FCF1: variants seen among roughly 807,000 people sequenced by gnomAD.
FCF1 encodes the protein FCF1 rRNA-processing protein, also known as rRNA-processing protein FCF1 homolog.
FCF1 carries 17 observed loss-of-function variants against 32.5 expected under a neutral mutation model. That is an observed-to-expected ratio of 0.52 (90% CI 0.36 to 0.78). FCF1 has a LOEUF of 0.78. Among genes scored for constraint, FCF1 ranks in the 30% least tolerant of loss-of-function variants. The pLI is 0.00. For synonymous variants in FCF1, 84 were observed against 78.4 expected, an observed-to-expected ratio of 1.07 and a Z score of -0.38; for missense variants, 201 against 241.1, an observed-to-expected ratio of 0.83 and a Z score of 1.10.
intron 5 of FCF1, among the ~76,000 whole-genome samples, chr14:74,729,749 A>C (rs2090611009): frequency 6.6e-6 from 1 of 151,626 alleles, no homozygotes; most frequent in African/African-American, 2.4e-5. Flanking sequence ...TAGTGCTATA[A>C]ATTTCCCTCT....
At chr14:74,719,053 C>T (rs913271474) in intron 4 of FCF1, among the ~76,000 whole-genome samples, 1 of 146,618 alleles carries the variant, frequency 6.8e-6, no homozygotes, top group African/African-American at 2.6e-5. Flanking sequence ...TCTCTGGAAC[C>T]TGGGAGGCAG....
chr14:74,722,859 TTAGAACCCAGGAGGATAAC>T (rs2090524403), intron 4 of FCF1, among the ~76,000 whole-genome samples: 1 of 152,004 alleles, frequency 6.6e-6, no homozygotes, highest in South Asian at 2.1e-4. Flanking sequence ...GGGAGAATCA[TTAGAACCCAGGAGGATAAC>T]TAGAACCCAG....
chr14:74,714,780 A>C, intron 2 of FCF1, 92 bp from the exon 3 acceptor site: 2 of 536,024 alleles, frequency 3.7e-6, no homozygotes, highest in Admixed American at 8.4e-5. Flanking sequence ...CAGTAGACCA[A>C]AAAAAAAAAA....
At position 74,735,166 on chromosome 14, in the gene FCF1, G is replaced by C; in HGVS notation, c.*236G>C. ...GGGCCGCGGGGGTTGGGGGGAATCT[G>C]TGCAGGGGGAAGCATATTACAGAAG... is the stretch of plus-strand genomic sequence containing the variant. On this transcript the variant is annotated 3_prime_UTR_variant, in exon 8 of 8. Coordinates refer to ENST00000341162, the MANE Select transcript of FCF1 (RefSeq NM_015962.5). The C allele has an allele frequency of 2.3e-6, 1 of 442,324 alleles. No homozygotes were observed. The highest frequency in any genetic ancestry group is 4.0e-6 in the Non-Finnish European group (1 of 247,540). 27.4% of individuals were successfully genotyped at this position (442,324 alleles called of 1,614,324 possible). A position where few individuals can be genotyped will look rare whatever the true frequency, so the allele number is the denominator to read the frequency against.
chr14:74,727,818 C>A (rs1403136734), intron 5 of FCF1, among the ~76,000 whole-genome samples: 1 of 151,922 alleles, frequency 6.6e-6, no homozygotes, highest in East Asian at 1.9e-4. Flanking sequence ...TTTCAGCTTT[C>A]TACATATGGC....
At chr14:74,714,979 C>T in intron 3 of FCF1, 36 bp downstream of exon 3, 1 of 1,553,250 alleles carries the variant, frequency 6.4e-7, no homozygotes, top group Non-Finnish European at 8.6e-7. Flanking sequence ...TCCTTTAAAA[C>T]CATAGACCTC....
chr14:74,733,501 C>T (rs554758975), intron 6 of FCF1, among the ~76,000 whole-genome samples: 39 of 152,138 alleles, frequency 2.6e-4, no homozygotes, highest in Non-Finnish European at 4.1e-4. Flanking sequence ...GAGAGTCAGA[C>T]GTGACAGATG....
chr14:74,734,132 G>A lies in FCF1; in HGVS notation c.510G>A (p.Lys170=). 2.5e-6 allele frequency: 4 copies of A among 1,613,764 alleles called. No homozygotes were observed. Among genetic ancestry groups the A allele is most frequent in the Non-Finnish European group, 1.7e-6 (2 of 1,179,702 alleles). ...VDRDLKRRIR[K]IPGVPIMYIS... The stretch of plus-strand genomic sequence containing the variant: ...GGGACCTGAAAAGAAGAATCCGTAA[G>A]ATTCCTGGAGTTCCTATCATGTACA... Residue 170 remains lysine, a synonymous_variant, in exon 7 of 8, where the codon AAG becomes AAA. Coordinates refer to ENST00000341162, the MANE Select transcript of FCF1 (RefSeq NM_015962.5).
intron 5 of FCF1, among the ~76,000 whole-genome samples, chr14:74,730,421 T>C (rs1205898256): frequency 1.3e-5 from 2 of 152,058 alleles, no homozygotes; most frequent in African/African-American, 4.8e-5. Context: ...AAAAAAAATT[T>C]TTTTGGTAGA....
Position 74,715,991 on chromosome 14 carries a change from C to A in FCF1, c.184C>A (p.Gln62Lys), listed in dbSNP as rs752418265. Residue 62 changes from glutamine (Q) to lysine (K), a missense_variant, in exon 4 of 8, where the codon CAG becomes AAG. Around this residue, in one of 3 missense-constraint regions of FCF1, gnomAD observed 76 missense variants for 75.0 expected, o/e 1.01. Transcript: ENST00000341162. ...PSCLFFQYNTQLGPPYHILVD... is the reference protein window; with the variant it reads ...PSCLFFQYNTKLGPPYHILVD... ...CTGCTTATTTTTCCAATATAATACA[C>A]AGCTGGGCCCACCTTACCACATCCT... 3.1e-6 allele frequency: 5 copies of A among 1,613,988 alleles called. No homozygotes were observed. The highest frequency in any genetic ancestry group is 1.7e-6 in the Non-Finnish European group (2 of 1,179,884).
chr14:74,728,495 G>T (rs1273401423), intron 5 of FCF1, among the ~76,000 whole-genome samples: 4 of 152,214 alleles, frequency 2.6e-5, no homozygotes, highest in African/African-American at 9.6e-5. Context: ...AGCTTAAGGA[G>T]ATTTTGGGCT....
chr14:74,721,035 A>G (rs917787275), intron 4 of FCF1, among the ~76,000 whole-genome samples: 1 of 147,092 alleles, frequency 6.8e-6, no homozygotes, highest in East Asian at 2.0e-4. Context: ...GTTCCACCAC[A>G]CCCACCTAAT....
At chr14:74,722,523 A>G (rs12882425) in intron 4 of FCF1, among the ~76,000 whole-genome samples, 1 of 151,310 alleles carries the variant, frequency 6.6e-6, no homozygotes, top group Admixed American at 6.6e-5. Context: ...ATTTTTTTTT[A>G]AACTATTATA....
At chr14:74,715,573 T>C in intron 3 of FCF1, 1 of 351,262 alleles carries the variant, frequency 2.8e-6, no homozygotes, top group South Asian at 2.3e-5. Flanking sequence ...TCACATTCCA[T>C]AACAGCAGTT....
chr14:74,734,590 A>G (rs2090681455), intron 7 of FCF1, among the ~76,000 whole-genome samples: 1 of 151,502 alleles, frequency 6.6e-6, no homozygotes, highest in Non-Finnish European at 1.5e-5. Flanking sequence ...CCAGCTTTTC[A>G]GCTTGAGGAG....
chr14:74,713,220 G>A lies in FCF1; in HGVS notation c.3+20G>A. 6.2e-7 allele frequency: 1 copy of A among 1,614,228 alleles called. No individual in the cohort carries two copies. Among genetic ancestry groups the A allele is most frequent in the Non-Finnish European group, 8.5e-7 (1 of 1,180,050 alleles). Reference sequence around the variant, plus strand: ...ACCATGGTGAGAGAAGACGGTCCAAGAAGGGACGTTATCAGGCCACTTTTT... The same window carrying A: ...ACCATGGTGAGAGAAGACGGTCCAAAAAGGGACGTTATCAGGCCACTTTTT... On this transcript the variant is annotated intron_variant, in intron 1 of 7. Coordinates refer to ENST00000341162, the MANE Select transcript of FCF1 (RefSeq NM_015962.5).
chr14:74,713,381 G>A, intron 1 of FCF1, 104 bp from the exon 2 acceptor site: 1 of 1,540,716 alleles, frequency 6.5e-7, no homozygotes, highest in South Asian at 1.1e-5. Context: ...GAGGGTCTGG[G>A]TTATTTGAGG....
intron 5 of FCF1, among the ~76,000 whole-genome samples, chr14:74,731,499 C>T (rs1048786550): frequency 1.7e-4 from 26 of 152,118 alleles, no homozygotes; most frequent in African/African-American, 6.3e-4. Flanking sequence ...ATCACTTTGT[C>T]CCCCAGAAAT....
chr14:74,723,395 ATCTGTTTGTTGTT>A, intron 5 of FCF1, 51 bp downstream of exon 5: 1 of 1,287,702 alleles, frequency 7.8e-7, no homozygotes, highest in Non-Finnish European at 1.1e-6. Context: ...CTGAAGATTC[ATCTGTTTGTTGTT>A]TAAAGATTTC....
Sources: gnomAD v4.1 joint callset for allele counts (sites outside exome capture counted in the v4.1 genomes callset) on GRCh38, gnomAD v4.1.1 for gene constraint, gnomAD v4.1.1 regional missense constraint, MANE v1.5 for transcripts, NCBI Gene and HGNC (gene_info 2026-07-23, HGNC 2026-07-21) for gene names.